Variants in CREB5 observed in about 807,000 individuals in gnomAD.
CREB5 encodes the protein cAMP responsive element binding protein 5.
In CREB5, 19 loss-of-function variants were observed where a neutral mutation model predicts 57.1. That is an observed-to-expected ratio of 0.33 (90% CI 0.23 to 0.49). The LOEUF (loss-of-function observed/expected upper bound fraction) is 0.49, where lower values mean the gene tolerates loss of function less well. Ranked by LOEUF, CREB5 falls within the 20% of genes least tolerant of loss-of-function variation. The pLI, the probability that CREB5 is intolerant of heterozygous loss-of-function variation, is 0.99. For missense variants in CREB5, 579 were observed against 671.6 expected, an observed-to-expected ratio of 0.86 and a Z score of 1.52; for synonymous variants, 238 against 238.3, an observed-to-expected ratio of 1.00 and a Z score of 0.01.
At chr7:28,798,365 A>AG (rs1554300800) in intron 7 of CREB5, among the ~76,000 whole-genome samples, 1 of 142,810 alleles carries the variant, frequency 7.0e-6, no homozygotes, top group Non-Finnish European at 1.5e-5. Flanking sequence ...TAAATTGCCC[A>AG]GGGTGGGTGT....
chr7:28,720,822 C>T (rs1396687195), intron 6 of CREB5, among the ~76,000 whole-genome samples: 1 of 152,084 alleles, frequency 6.6e-6, no homozygotes, highest in Admixed American at 6.5e-5. Flanking sequence ...TGTTCCCATC[C>T]AAAAATTATT....
intron 1 of CREB5, among the ~76,000 whole-genome samples, chr7:28,431,908 A>T (rs1287994898): frequency 6.6e-6 from 1 of 150,550 alleles, no homozygotes; most frequent in East Asian, 2.0e-4. Flanking sequence ...TGGTGAGCAG[A>T]TAGCTGTTTA....
At chr7:28,801,139 T>C (rs1362805180) in intron 7 of CREB5, among the ~76,000 whole-genome samples, 1 of 152,178 alleles carries the variant, frequency 6.6e-6, no homozygotes, top group Non-Finnish European at 1.5e-5. Flanking sequence ...AAAAGCAAGA[T>C]ACAAAACTAT....
chr7:28,776,216 T>C (rs1806624576), intron 7 of CREB5, among the ~76,000 whole-genome samples: 2 of 151,888 alleles, frequency 1.3e-5, no homozygotes, highest in South Asian at 4.1e-4. Context: ...CGGGCGCCTG[T>C]AGTCCCAGCT....
intron 5 of CREB5, among the ~76,000 whole-genome samples, chr7:28,659,871 A>G (rs1583494901): frequency 6.6e-6 from 1 of 152,184 alleles, no homozygotes; most frequent in Admixed American, 6.5e-5. Flanking sequence ...CTGGGAAATG[A>G]CAGTGGTATC....
intron 5 of CREB5, among the ~76,000 whole-genome samples, chr7:28,645,746 G>A (rs768502570): frequency 4.6e-5 from 7 of 152,134 alleles, no homozygotes; most frequent in Non-Finnish European, 7.3e-5. Flanking sequence ...TTAATTTTAC[G>A]TGTCAATTTG....
chr7:28,781,131 G>C (rs551899090), intron 7 of CREB5, among the ~76,000 whole-genome samples: 8 of 152,284 alleles, frequency 5.3e-5, no homozygotes, highest in African/African-American at 1.9e-4. Flanking sequence ...CTGTAGCTAA[G>C]TCGACTCTCT....
intron 7 of CREB5, among the ~76,000 whole-genome samples, chr7:28,765,889 C>A (rs1005703802): frequency 1.3e-5 from 2 of 152,140 alleles, no homozygotes; most frequent in African/African-American, 4.8e-5. Flanking sequence ...AGCTATTGCC[C>A]GTGTGCAGGA....
intron 1 of CREB5, among the ~76,000 whole-genome samples, chr7:28,362,907 T>A (rs796606179): frequency 7.2e-5 from 11 of 152,362 alleles, no homozygotes; most frequent in African/African-American, 2.6e-4. Context: ...TCTAGCTGGT[T>A]GTTTTTATGA....
chr7:28,620,602 G>C lies in CREB5; in HGVS notation c.464+50065G>C, dbSNP rs140450032. On this transcript the variant is annotated intron_variant, in intron 5 of 10. Transcript: ENST00000357727. ...ATATTTGGCCTCGTGGAGATACTAG[G>C]AACTGTATATCCAGGAAATGCCTAT... is the stretch of plus-strand genomic sequence containing the variant. Among the ~76,000 whole-genome samples, 23 of 152,276 alleles carry C rather than the reference G, an allele frequency of 1.5e-4. No homozygotes were observed. The East Asian group carries it at 4.2e-3, about 28-fold the overall frequency.
In CREB5 at chr7:28,479,225, C is replaced by T. The variant is rs377268344; in HGVS notation, c.4-8950C>T. Among the ~76,000 whole-genome samples, 21 of 152,260 alleles carry T rather than the reference C, an allele frequency of 1.4e-4. No individual in the cohort carries two copies. In the East Asian group the frequency reaches 1.9e-3, roughly 14 times the overall value. On this transcript the variant is annotated intron_variant, in intron 1 of 10. Coordinates refer to ENST00000357727, the MANE Select transcript of CREB5 (RefSeq NM_182898.4). ...TCTAATTATTCTTGCAGAAGCCACA[C>T]TATTGGCTATCAGATCAGGAGACTC...
chr7:28,346,243 A>G (rs1786055401), intron 1 of CREB5, among the ~76,000 whole-genome samples: 1 of 152,268 alleles, frequency 6.6e-6, no homozygotes, highest in Non-Finnish European at 1.5e-5. Flanking sequence ...TATAAACAAC[A>G]GACATTTATT....
intron 1 of CREB5, among the ~76,000 whole-genome samples, chr7:28,478,496 T>C (rs549216293): frequency 1.3e-5 from 2 of 152,266 alleles, no homozygotes; most frequent in South Asian, 4.1e-4. Flanking sequence ...GTTTCCCTAA[T>C]AAGTATTCTG....
At chr7:28,584,791 A>C (rs1422364726) in intron 5 of CREB5, among the ~76,000 whole-genome samples, 1 of 152,142 alleles carries the variant, frequency 6.6e-6, no homozygotes, top group Non-Finnish European at 1.5e-5. Flanking sequence ...AAAAAAAAAA[A>C]AAACTATCAC....
At chr7:28,366,848 C>T (rs1786597437) in intron 1 of CREB5, among the ~76,000 whole-genome samples, 1 of 152,184 alleles carries the variant, frequency 6.6e-6, no homozygotes, top group Non-Finnish European at 1.5e-5. Context: ...ATGTTTTACA[C>T]TGTTGGACAC....
At chr7:28,446,796 C>CAAAA (rs1160127971) in intron 1 of CREB5, among the ~76,000 whole-genome samples, 2 of 144,558 alleles carry the variant, frequency 1.4e-5, no homozygotes, top group African/African-American at 2.9e-5. Context: ...TGTCTCAAAA[C>CAAAA]AAAACAAAAC....
chr7:28,757,542 G>A (rs1266158466), intron 7 of CREB5, among the ~76,000 whole-genome samples: 3 of 151,862 alleles, frequency 2.0e-5, no homozygotes, highest in Non-Finnish European at 2.9e-5. Flanking sequence ...GCGTGGTGGC[G>A]GGCGCCTGTA....
chr7:28,492,094 G>A (rs936914228), intron 2 of CREB5, among the ~76,000 whole-genome samples: 1 of 152,162 alleles, frequency 6.6e-6, no homozygotes, highest in Non-Finnish European at 1.5e-5. Context: ...CTGCTTCCCA[G>A]GTTCAAGCGA....
intron 1 of CREB5, among the ~76,000 whole-genome samples, chr7:28,446,567 C>T (rs2128564269): frequency 6.6e-6 from 1 of 152,180 alleles, no homozygotes; most frequent in South Asian, 2.1e-4. Flanking sequence ...CTGAGGTGGG[C>T]AGATCACGAA....
Sources: allele counts gnomAD v4.1 joint callset (sites outside exome capture counted in the v4.1 genomes callset), GRCh38; gene constraint gnomAD v4.1.1; transcripts MANE v1.5; gene names NCBI Gene and HGNC (gene_info 2026-07-23, HGNC 2026-07-21).